Variants in THSD7B observed in about 807,000 individuals in gnomAD.
The protein encoded by THSD7B is thrombospondin type 1 domain containing 7B.
THSD7B carries 138 observed loss-of-function variants against 213.6 expected under a neutral mutation model. That is an observed-to-expected ratio of 0.65 (90% CI 0.56 to 0.74). The LOEUF (loss-of-function observed/expected upper bound fraction) is 0.74, where lower values mean the gene tolerates loss of function less well. Among genes scored for constraint, THSD7B ranks in the 30% least tolerant of loss-of-function variants. The probability of loss-of-function intolerance (pLI) is 0.00; values close to 1 mark genes in which losing one functional copy is unlikely to be tolerated. For synonymous variants in THSD7B, 742 were observed against 687.0 expected (o/e 1.08, Z -1.25); for missense variants, 1,931 against 1,991.5 (o/e 0.97, Z 0.58).
intron 1 of THSD7B, among the ~76,000 whole-genome samples, chr2:136,842,915 C>T (rs2104956868): frequency 6.6e-6 from 1 of 152,268 alleles, no homozygotes; most frequent in Middle Eastern, 3.4e-3. Context: ...ACATGAAGCA[C>T]AGTCTTTCAT....
intron 3 of THSD7B, among the ~76,000 whole-genome samples, chr2:137,093,156 G>T (rs1469306570): frequency 6.6e-6 from 1 of 152,148 alleles, no homozygotes; most frequent in African/African-American, 2.4e-5. Flanking sequence ...ATATGAATCT[G>T]ATTTCCCTCC....
At chr2:136,973,241 T>C (rs1426368072) in intron 2 of THSD7B, among the ~76,000 whole-genome samples, 1 of 152,200 alleles carries the variant, frequency 6.6e-6, no homozygotes, top group Non-Finnish European at 1.5e-5. Context: ...ATCTGTACTG[T>C]CCATTCTGAA....
At chr2:137,419,222 A>C (rs1056244535) in intron 14 of THSD7B, among the ~76,000 whole-genome samples, 1 of 151,102 alleles carries the variant, frequency 6.6e-6, no homozygotes, top group Admixed American at 6.6e-5. Context: ...CACATTTTTG[A>C]TGCAGGATTT....
chr2:137,165,760 A>AAC (rs1426525314), intron 6 of THSD7B, among the ~76,000 whole-genome samples: 1 of 32,040 alleles, frequency 3.1e-5, no homozygotes, highest in Non-Finnish European at 6.3e-5. Context: ...ACTCTTAAAA[A>AAC]ATACACACAC....
intron 15 of THSD7B, among the ~76,000 whole-genome samples, chr2:137,532,415 A>T (rs1264393489): frequency 6.6e-6 from 1 of 151,852 alleles, no homozygotes; most frequent in Non-Finnish European, 1.5e-5. Context: ...AGAAAAAAAG[A>T]ATTATTCTAG....
chr2:137,148,049 T>C (rs184355510), intron 5 of THSD7B, among the ~76,000 whole-genome samples: 1 of 152,264 alleles, frequency 6.6e-6, no homozygotes, highest in East Asian at 1.9e-4. Context: ...TGAATTGTAG[T>C]TCCCATAATC....
chr2:137,076,379 C>A (rs1456189762), intron 3 of THSD7B, among the ~76,000 whole-genome samples: 1 of 152,224 alleles, frequency 6.6e-6, no homozygotes, highest in Non-Finnish European at 1.5e-5. Flanking sequence ...TGGTGTAGGA[C>A]CCTCCGAGCC....
At chr2:137,614,668 T>G (rs1682350222) in intron 17 of THSD7B, among the ~76,000 whole-genome samples, 1 of 152,178 alleles carries the variant, frequency 6.6e-6, no homozygotes, top group Non-Finnish European at 1.5e-5. Context: ...AATAATTGCT[T>G]GGTTTCATGG....
chr2:137,127,407 CT>C (rs959010242), intron 5 of THSD7B, among the ~76,000 whole-genome samples: 5 of 151,980 alleles, frequency 3.3e-5, no homozygotes, highest in African/African-American at 1.2e-4. Context: ...CCTAATGATA[CT>C]TAAAAAGAAA....
intron 2 of THSD7B, among the ~76,000 whole-genome samples, chr2:137,011,291 C>A (rs1219431946): frequency 6.6e-6 from 1 of 152,148 alleles, no homozygotes; most frequent in South Asian, 2.1e-4. Context: ...TCCTAAACAT[C>A]CCCCTCTTTC....
chr2:137,366,634 A>G (rs1173601982), intron 12 of THSD7B, among the ~76,000 whole-genome samples: 1 of 152,114 alleles, frequency 6.6e-6, no homozygotes, highest in African/African-American at 2.4e-5. Flanking sequence ...CGTAAAAAAA[A>G]AAATAGAAGA....
intron 12 of THSD7B, among the ~76,000 whole-genome samples, chr2:137,329,320 A>G (rs1684440645): frequency 6.6e-6 from 1 of 152,162 alleles, no homozygotes; most frequent in African/African-American, 2.4e-5. Flanking sequence ...AGATCTGTGG[A>G]GCTTTGAACT....
At chr2:137,468,543 T>C (rs1446507633) in intron 15 of THSD7B, among the ~76,000 whole-genome samples, 1 of 141,716 alleles carries the variant, frequency 7.1e-6, no homozygotes, top group African/African-American at 2.6e-5. Flanking sequence ...TGGAACCACA[T>C]GAGGGAAAGT....
intron 15 of THSD7B, among the ~76,000 whole-genome samples, chr2:137,550,222 C>A (rs76801343): frequency 6.6e-6 from 1 of 151,382 alleles, no homozygotes; most frequent in African/African-American, 2.4e-5. Context: ...CTCCCTCAGT[C>A]CTGTTAAAAA....
At chr2:137,118,768 G>A (rs756784945) in intron 5 of THSD7B, among the ~76,000 whole-genome samples, 28 of 152,164 alleles carry the variant, frequency 1.8e-4, no homozygotes, top group South Asian at 8.3e-4. Context: ...TTTCCGTGCC[G>A]CTGATAAAGG....
At chr2:137,213,132 A>C (rs1681158252) in intron 7 of THSD7B, among the ~76,000 whole-genome samples, 1 of 151,670 alleles carries the variant, frequency 6.6e-6, no homozygotes, top group East Asian at 1.9e-4. Flanking sequence ...AATACACTAA[A>C]GAATATTAAT....
At chr2:137,033,086 T>G (rs1306330891) in intron 2 of THSD7B, among the ~76,000 whole-genome samples, 1 of 152,128 alleles carries the variant, frequency 6.6e-6, no homozygotes, top group African/African-American at 2.4e-5. Flanking sequence ...TGTGCTGAAA[T>G]TAAATTACAT....
chr2:137,534,026 A>G (rs866182322), intron 15 of THSD7B, among the ~76,000 whole-genome samples: 6,537 of 150,626 alleles, frequency 0.043, 211 homozygotes, highest in Non-Finnish European at 0.059. Flanking sequence ...GCGCACACAC[A>G]CACACACACA....
At chr2:136,990,890 C>A (rs760433473) in intron 2 of THSD7B, 1 of 1,346,692 alleles carries the variant, frequency 7.4e-7, no homozygotes, top group South Asian at 1.2e-5. Context: ...AGAGGCGAAA[C>A]GATGCATAAC....
Sources: allele counts gnomAD v4.1 joint callset (sites outside exome capture counted in the v4.1 genomes callset), GRCh38; gene constraint gnomAD v4.1.1; transcripts MANE v1.5; gene names NCBI Gene and HGNC (gene_info 2026-07-23, HGNC 2026-07-21).